GUCY1B1: variants seen among roughly 807,000 people sequenced by gnomAD.
GUCY1B1 encodes the protein guanylate cyclase 1 soluble subunit beta 1.
In GUCY1B1, 43 loss-of-function variants were observed where a neutral mutation model predicts 71.0. That is an observed-to-expected ratio of 0.61 (90% CI 0.47 to 0.78). GUCY1B1 has a LOEUF of 0.78. GUCY1B1 is among the 30% of genes least tolerant of loss of function. GUCY1B1 has a pLI of 0.00. For missense variants in GUCY1B1, 535 were observed against 754.1 expected (o/e 0.71, Z 3.40); for synonymous variants, 266 against 259.7 (o/e 1.02, Z -0.23).
At chr4:155,774,676 T>G (rs2111025840) in intron 2 of GUCY1B1, among the ~76,000 whole-genome samples, 1 of 152,318 alleles carries the variant, frequency 6.6e-6, no homozygotes, top group Non-Finnish European at 1.5e-5. Context: ...AAAAGTTATT[T>G]AATTTATTAT....
At chr4:155,759,920 G>A in intron 2 of GUCY1B1, 60 bp downstream of exon 2, 2 of 1,265,372 alleles carry the variant, frequency 1.6e-6, no homozygotes, top group Non-Finnish European at 2.3e-6. Flanking sequence ...GAGGCCCCCC[G>A]CGCCTCGCCT....
intron 3 of GUCY1B1, among the ~76,000 whole-genome samples, chr4:155,776,933 CTT>C (rs1401408620): frequency 2.0e-5 from 3 of 152,086 alleles, no homozygotes; most frequent in Non-Finnish European, 4.4e-5. Context: ...GTGAGTATCT[CTT>C]GTCTAAAACT....
chr4:155,767,206 T>C (rs897243168), intron 2 of GUCY1B1, among the ~76,000 whole-genome samples: 1 of 152,190 alleles, frequency 6.6e-6, no homozygotes, highest in Non-Finnish European at 1.5e-5. Context: ...GCCATGTTTA[T>C]GTGTATTAGT....
In GUCY1B1 at chr4:155,789,811, T is replaced by C. The variant is rs774362454; in HGVS notation, c.395T>C (p.Ile132Thr). The change falls in exon 5 of 14, where the codon ATT (isoleucine) becomes ACT (threonine). Residue 132 changes from isoleucine (I) to threonine (T), a missense_variant. Physicochemically the swap from Ile to Thr is moderately conservative, Grantham distance 89. Transcript: ENST00000264424. The part of the protein sequence containing the change: ...CTDAEKGKGL[I>T]LHYYSEREGL... ...GATGCAGAAAAGGGCAAAGGACTCA[T>C]TTTGCACTACTACTCAGAGAGAGAA... 2 of 1,606,072 alleles carry C rather than the reference T, an allele frequency of 1.2e-6. No homozygotes were observed. Among genetic ancestry groups the C allele is most frequent in the East Asian group, 2.2e-5 (1 of 44,846 alleles).
At chr4:155,775,542 G>C (rs1417124875) in intron 3 of GUCY1B1, among the ~76,000 whole-genome samples, 1 of 152,062 alleles carries the variant, frequency 6.6e-6, no homozygotes, top group Non-Finnish European at 1.5e-5. Flanking sequence ...GATCTACCTG[G>C]CTCAGCCTCC....
intron 9 of GUCY1B1, among the ~76,000 whole-genome samples, chr4:155,801,751 A>G (rs925048767): frequency 6.6e-6 from 1 of 152,146 alleles, no homozygotes; most frequent in South Asian, 2.1e-4. Context: ...GCATGATCCC[A>G]TAGTAGTCTC....
intron 2 of GUCY1B1, chr4:155,772,575 C>A (rs529800303): frequency 3.4e-6 from 2 of 593,982 alleles, no homozygotes; most frequent in Non-Finnish European, 6.0e-6. Context: ...CGCCACCACA[C>A]CTGCCTAATT....
intron 5 of GUCY1B1, 136 bp from the exon 6 acceptor site, chr4:155,793,720 G>T: frequency 1.7e-6 from 1 of 577,576 alleles, no homozygotes. Flanking sequence ...TAGACATATG[G>T]AGTATTTGCA....
rs1446170527 is a variant in GUCY1B1, at chr4:155,793,851, T to C, written c.496-5T>C. On this transcript the variant is annotated splice_region_variant and splice_polypyrimidine_tract_variant and intron_variant, in intron 5 of 13. Transcript: ENST00000264424. ...ATTCATGCCATTTCCCCCTTTGATA[T>C]CCAGGTTATTCAGCAAAGAAATGAA... 4.8e-6 allele frequency: 6 copies of C among 1,248,570 alleles called. No homozygotes were observed. Among genetic ancestry groups the C allele is most frequent in the Non-Finnish European group, 7.1e-6 (6 of 848,152 alleles). The allele number at this position is 1,248,570 out of a possible 1,614,324, so 77.3% of individuals were successfully genotyped here. A position where few individuals can be genotyped will look rare whatever the true frequency, so the allele number is the denominator to read the frequency against.
intron 8 of GUCY1B1, among the ~76,000 whole-genome samples, chr4:155,798,440 G>T (rs532701993): frequency 6.6e-6 from 1 of 152,110 alleles, no homozygotes; most frequent in Non-Finnish European, 1.5e-5. Context: ...ACCTTTGGCC[G>T]ATGATCTGGC....
chr4:155,796,962 A>C (rs913210896), intron 8 of GUCY1B1, among the ~76,000 whole-genome samples: 2 of 152,198 alleles, frequency 1.3e-5, no homozygotes, highest in African/African-American at 4.8e-5. Context: ...AACTATTTTA[A>C]ATTAAAAATA....
At chr4:155,759,513 A>C in intron 1 of GUCY1B1, 1 of 503,238 alleles carries the variant, frequency 2.0e-6, no homozygotes, top group Non-Finnish European at 3.5e-6. Context: ...GCTGCCCCCG[A>C]TGCCCAGCCT....
chr4:155,793,356 C>A (rs948145869), intron 5 of GUCY1B1, among the ~76,000 whole-genome samples: 1 of 152,254 alleles, frequency 6.6e-6, no homozygotes, highest in African/African-American at 2.4e-5. Context: ...GGATTACAGG[C>A]GTGAGCCACT....
At chr4:155,774,654 A>C (rs1237054780) in intron 2 of GUCY1B1, among the ~76,000 whole-genome samples, 1 of 152,206 alleles carries the variant, frequency 6.6e-6, no homozygotes, top group African/African-American at 2.4e-5. Context: ...CTTGCTAAAC[A>C]TCTATTAACC....
At chr4:155,794,148 C>A in intron 6 of GUCY1B1, 62 bp downstream of exon 6, 1 of 856,062 alleles carries the variant, frequency 1.2e-6, no homozygotes, top group Non-Finnish European at 1.9e-6. Flanking sequence ...ACTATTGTTA[C>A]AGGCAGCCAT....
rs138205649 is a variant in GUCY1B1, at chr4:155,769,289, A to G, written c.78-5679A>G. On this transcript the variant is annotated intron_variant, in intron 2 of 13. Transcript: ENST00000264424. The stretch of plus-strand genomic sequence containing the variant: ...ATTGGCTTAGTTGTTTATTTTCCAT[A>G]CTGTGTGAGGAAAGACTTTGACTTA... 2.7e-3 allele frequency among the ~76,000 whole-genome samples: 404 copies of G among 152,242 alleles called. 2 individuals are homozygous for G. Among genetic ancestry groups the G allele is most frequent in the African/African-American group, 9.1e-3 (379 of 41,560 alleles).
chr4:155,791,476 A>T (rs1739160569), intron 5 of GUCY1B1, among the ~76,000 whole-genome samples: 1 of 148,390 alleles, frequency 6.7e-6, no homozygotes, highest in Non-Finnish European at 1.5e-5. Context: ...CACGCCTGTA[A>T]TCCTAGCACT....
intron 4 of GUCY1B1, among the ~76,000 whole-genome samples, chr4:155,783,106 C>A (rs1429561378): frequency 2.6e-5 from 4 of 152,182 alleles, no homozygotes; most frequent in African/African-American, 9.7e-5. Flanking sequence ...AACTAGACCA[C>A]TACTCTGTGC....
chr4:155,776,619 G>A (rs28624858), intron 3 of GUCY1B1, among the ~76,000 whole-genome samples: 7,498 of 152,062 alleles, frequency 0.049, 626 homozygotes, highest in African/African-American at 0.17. Context: ...GCAGCGAGCC[G>A]AGATCCTACC....
Sources: allele counts gnomAD v4.1 joint callset (sites outside exome capture counted in the v4.1 genomes callset), GRCh38; gene constraint gnomAD v4.1.1; transcripts MANE v1.5; gene names NCBI Gene and HGNC (gene_info 2026-07-23, HGNC 2026-07-21).